The following MED13 variants were observed in gnomAD, a reference collection of about 807,000 sequenced individuals.
MED13 encodes the protein mediator complex subunit 13, also known as mediator of RNA polymerase II transcription subunit 13.
Under a neutral mutation model 225.2 loss-of-function variants are expected in MED13, and 23 were observed. The observed-to-expected ratio is 0.10, with a 90% CI of 0.07 to 0.14. The LOEUF (loss-of-function observed/expected upper bound fraction) is 0.14, where lower values mean the gene tolerates loss of function less well. MED13 is among the 10% of genes least tolerant of loss of function. The pLI, the probability that MED13 is intolerant of heterozygous loss-of-function variation, is 1.00. For missense variants in MED13, 2,197 were observed against 2,594.5 expected, an observed-to-expected ratio of 0.85 and a Z score of 3.33; for synonymous variants, 942 against 889.2, an observed-to-expected ratio of 1.06 and a Z score of -1.06.
intron 16 of MED13, among the ~76,000 whole-genome samples, chr17:61,978,348 G>A (rs536915223): frequency 2.0e-5 from 3 of 152,068 alleles, no homozygotes; most frequent in African/African-American, 7.2e-5. Flanking sequence ...ACCTCATGGG[G>A]TCAAGCAATT....
rs1476476754 is a variant in MED13, at chr17:62,010,614, T to C, written c.1903A>G (p.Ser635Gly). 2 of 1,494,618 alleles carry C rather than the reference T, an allele frequency of 1.3e-6. No homozygotes were observed. The highest frequency in any genetic ancestry group is 1.4e-5 in the African/African-American group (1 of 71,498). The allele number at this position is 1,494,618 out of a possible 1,614,324, so 92.6% of individuals were successfully genotyped here. ...DVEFLPPQLPSDKFKDDPVGP... is the reference protein window; with the variant it reads ...DVEFLPPQLPGDKFKDDPVGP... ...ACTGGATCATCCTTGAATTTATCAC[T>C]TGGAAGTTGAGGTGGTAAAAACTCT... Residue 635 changes from serine (S) to glycine (G), a missense_variant, in exon 9 of 30, where the codon AGT becomes GGT. Ser to Gly is a moderately conservative substitution (Grantham distance 56). Coordinates refer to ENST00000397786, the MANE Select transcript of MED13 (RefSeq NM_005121.3).
rs765352270 is a variant in MED13 at position 62,052,673 on chromosome 17, A to G, written c.334T>C (p.Ser112Pro). 1.9e-6 allele frequency: 3 copies of G among 1,588,916 alleles called. No individual in the cohort carries two copies. Among genetic ancestry groups the G allele is most frequent in the Non-Finnish European group, 2.6e-6 (3 of 1,166,720 alleles). The part of the protein sequence containing the change: ...EEDGVWENGL[S>P]YECRTLLFKA... ...AAAAGCAGAGTACGGCATTCATAGG[A>G]AAGTCCATTCTCCCACACTCCATCT... Residue 112 changes from serine to proline, a missense_variant, in exon 3 of 30, where the codon TCC becomes CCC. Transcript: ENST00000397786.
Position 61,982,434 on chromosome 17 carries a change from A to G in MED13, c.3569T>C (p.Leu1190Ser), listed in dbSNP as rs758747006. 11 of 1,614,120 alleles carry G rather than the reference A, an allele frequency of 6.8e-6. No individual in the cohort carries two copies. The East Asian group carries it at 2.5e-4, about 36-fold the overall frequency. ...ESEKLSDDLI[L>S]LLQDQCTNLF... ...ATTAGTGCACTGATCTTGTAGCAAT[A>G]ATATCAAATCATCAGATAATTTTTC... is the stretch of plus-strand genomic sequence containing the variant. Residue 1190 changes from leucine to serine, a missense_variant, in exon 16 of 30, where the codon TTA (leucine) becomes TCA (serine). Physicochemically the swap from Leu to Ser is moderately radical, Grantham distance 145 (BLOSUM62 -2). Transcript: ENST00000397786.
intron 2 of MED13, among the ~76,000 whole-genome samples, chr17:62,058,841 G>C (rs1248201412): frequency 2.6e-5 from 4 of 152,138 alleles, no homozygotes; most frequent in Admixed American, 2.0e-4. Context: ...GAGTAACTGA[G>C]GGTTTAAAGT....
At position 61,944,635 on chromosome 17, in the gene MED13, A is replaced by G. The variant is rs565600027; in HGVS notation, c.*1833T>C. 6.6e-6 allele frequency: 1 copy of G among 152,302 alleles called. No homozygotes were observed. The highest frequency in any genetic ancestry group is 1.5e-5 in the Non-Finnish European group (1 of 68,032). 9.4% of individuals were successfully genotyped at this position (152,302 alleles called of 1,614,324 possible). A position where few individuals can be genotyped will look rare whatever the true frequency, so the allele number is the denominator to read the frequency against. ...AAGTTATGTTGTTCATAAGAAAGTG[A>G]TATTTAATTCTAAGCACAGAGTATT... On this transcript the variant is annotated 3_prime_UTR_variant, in exon 30 of 30. Coordinates refer to ENST00000397786, the MANE Select transcript of MED13 (RefSeq NM_005121.3).
At position 61,968,068 on chromosome 17, in the gene MED13, T is replaced by C. The variant is rs1246502230; in HGVS notation, c.4158A>G (p.Lys1386=). The C allele has an allele frequency of 6.2e-7, 1 of 1,613,950 alleles. No homozygotes were observed. Among genetic ancestry groups the C allele is most frequent in the Non-Finnish European group, 8.5e-7 (1 of 1,179,888 alleles). The change falls in exon 18 of 30, where the codon AAA becomes AAG. Residue 1386 remains lysine, a synonymous_variant. Coordinates refer to ENST00000397786, the MANE Select transcript of MED13 (RefSeq NM_005121.3). ...TTGCAGTAAGATCTCTAAAAAAGCTTTTTGCTCCATTTAACAAGGCTTCAT... is the reference window on the plus strand; with the variant it reads ...TTGCAGTAAGATCTCTAAAAAAGCTCTTTGCTCCATTTAACAAGGCTTCAT... The part of the protein sequence containing the change: ...PENEALLNGA[K]SFFRDLTAIY...
At chr17:62,052,943 T>C (rs2080968714) in intron 2 of MED13, among the ~76,000 whole-genome samples, 1 of 152,188 alleles carries the variant, frequency 6.6e-6, no homozygotes, top group Non-Finnish European at 1.5e-5. Flanking sequence ...TTTTCCACCT[T>C]ATAAAATTCA....
intron 9 of MED13, among the ~76,000 whole-genome samples, chr17:61,999,524 G>T (rs1029590549): frequency 1.1e-4 from 17 of 152,100 alleles, no homozygotes; most frequent in African/African-American, 3.6e-4. Flanking sequence ...TAGAAAAAAA[G>T]ATATTTGCCA....
At position 61,968,019 on chromosome 17, in the gene MED13, C is replaced by T. The variant is rs190790443; in HGVS notation, c.4191+16G>A. On this transcript the variant is annotated intron_variant, in intron 18 of 29. Transcript: ENST00000397786. ...GTAAGGTAGTTTTAAAATGTCATCT[C>T]TTTTTAAACACCTACCTCATATATT... 1.9e-5 allele frequency: 30 copies of T among 1,579,108 alleles called. No homozygotes were observed. Among genetic ancestry groups the T allele is most frequent in the Non-Finnish European group, 2.4e-5 (28 of 1,149,836 alleles).
chr17:61,971,769 A>G (rs1476765838), intron 17 of MED13, among the ~76,000 whole-genome samples: 1 of 152,030 alleles, frequency 6.6e-6, no homozygotes, highest in African/African-American at 2.4e-5. Flanking sequence ...CCCTGTCTCT[A>G]CTAAAAGTAA....
chr17:61,970,880 C>T (rs2080102438), intron 17 of MED13, among the ~76,000 whole-genome samples: 1 of 151,692 alleles, frequency 6.6e-6, no homozygotes, highest in Non-Finnish European at 1.5e-5. Context: ...CAAAAATTAG[C>T]TGGGTGTGGT....
chr17:62,042,946 T>TA (rs1239468768), intron 3 of MED13, among the ~76,000 whole-genome samples: 5 of 151,728 alleles, frequency 3.3e-5, no homozygotes, highest in South Asian at 2.1e-4. Context: ...GGCTAGGAGT[T>TA]AGAGACCAGC....
chr17:62,020,435 G>A (rs1246337150), intron 8 of MED13, among the ~76,000 whole-genome samples: 1 of 151,948 alleles, frequency 6.6e-6, no homozygotes, highest in Non-Finnish European at 1.5e-5. Flanking sequence ...GGAGTGCAGT[G>A]GCACGATCTC....
At chr17:62,061,865 GA>G (rs2081041856) in intron 2 of MED13, among the ~76,000 whole-genome samples, 1 of 152,226 alleles carries the variant, frequency 6.6e-6, no homozygotes, top group South Asian at 2.1e-4. Flanking sequence ...CATCTTATTA[GA>G]AAAACTACAA....
chr17:62,060,935 CG>C (rs1200509886), intron 2 of MED13, among the ~76,000 whole-genome samples: 1 of 151,966 alleles, frequency 6.6e-6, no homozygotes, highest in Non-Finnish European at 1.5e-5. Flanking sequence ...CCTGACCCTG[CG>C]ATCTGCCTGC....
intron 16 of MED13, among the ~76,000 whole-genome samples, chr17:61,978,071 T>A (rs1266328979): frequency 6.6e-6 from 1 of 152,098 alleles, no homozygotes; most frequent in African/African-American, 2.4e-5. Context: ...ACAAAATAAT[T>A]ATAAAGAGTG....
At chr17:61,995,513 T>C in intron 9 of MED13, 148 bp from the exon 10 acceptor site, 1 of 583,276 alleles carries the variant, frequency 1.7e-6, no homozygotes, top group South Asian at 3.1e-5. Flanking sequence ...CATGAAAATA[T>C]TAAATAATTT....
At chr17:62,018,735 T>C (rs1325715878) in intron 8 of MED13, among the ~76,000 whole-genome samples, 1 of 150,360 alleles carries the variant, frequency 6.7e-6, no homozygotes, top group African/African-American at 2.5e-5. Flanking sequence ...AAAAAAAGTA[T>C]ACTGAAGGAT....
chr17:61,947,957 C>T (rs1312005471), intron 28 of MED13, among the ~76,000 whole-genome samples: 1 of 152,098 alleles, frequency 6.6e-6, no homozygotes, highest in Non-Finnish European at 1.5e-5. Flanking sequence ...AACTGCAATA[C>T]ATATAGAAAC....
Sources: gnomAD v4.1 joint callset for allele counts (sites outside exome capture counted in the v4.1 genomes callset) on GRCh38, gnomAD v4.1.1 for gene constraint, MANE v1.5 for transcripts, NCBI Gene and HGNC (gene_info 2026-07-23, HGNC 2026-07-21) for gene names.